Variants in CNOT2 observed in about 807,000 individuals in gnomAD.
CNOT2 encodes the protein CCR4-NOT transcription complex subunit 2, also known as CC chemokine receptor 4-negative regulator of transcription 2.
Under a neutral mutation model 72.1 loss-of-function variants are expected in CNOT2, and 7 were observed. That is an observed-to-expected ratio of 0.10 (90% confidence interval 0.06 to 0.18). The LOEUF (loss-of-function observed/expected upper bound fraction) is 0.18, where lower values mean the gene tolerates loss of function less well. Ranked by LOEUF, CNOT2 falls within the 10% of genes least tolerant of loss-of-function variation. The pLI, the probability that CNOT2 is intolerant of heterozygous loss-of-function variation, is 1.00. For missense variants in CNOT2, 345 were observed against 660.3 expected, an observed-to-expected ratio of 0.52 and a Z score of 5.23; for synonymous variants, 196 against 225.6, an observed-to-expected ratio of 0.87 and a Z score of 1.17.
chr12:70,295,688 C>T lies in CNOT2; in HGVS notation c.49-15207C>T, dbSNP rs568559705. Among the ~76,000 whole-genome samples the T allele has an allele frequency of 3.9e-5, 6 of 152,218 alleles. No individual in the cohort carries two copies. In the South Asian group the frequency reaches 1.0e-3, roughly 26 times the overall value. On this transcript the variant is annotated intron_variant, in intron 2 of 15. Transcript: ENST00000229195. Reference sequence around the variant, plus strand: ...GGCTCTATTATGTGAGTTCTCAACTCCAACTTCTTACTGCTCATAAGAGGT... The same window carrying T: ...GGCTCTATTATGTGAGTTCTCAACTTCAACTTCTTACTGCTCATAAGAGGT...
chr12:70,347,469 A>C (rs1882326125), intron 15 of CNOT2: 1 of 152,168 alleles, frequency 6.6e-6, no homozygotes, highest in South Asian at 2.1e-4. Context: ...TCTCTACTAA[A>C]AATACAAAAA....
At position 70,335,499 on chromosome 12, in the gene CNOT2, C is replaced by T. The variant is rs373103481; in HGVS notation, c.711C>T (p.Asn237=). The change falls in exon 8 of 16, where the codon AAC becomes AAT. Residue 237 remains asparagine (N), a synonymous_variant. Transcript: ENST00000229195. ...LSDFPALADR[N]RREGSGNPTP... Reference sequence around the variant, plus strand: ...ATTTCCCAGCATTAGCAGACCGAAACAGGAGGGAAGGAAGTGGTAACCCAA... The same window carrying T: ...ATTTCCCAGCATTAGCAGACCGAAATAGGAGGGAAGGAAGTGGTAACCCAA... 3 of 1,606,174 alleles carry T rather than the reference C, an allele frequency of 1.9e-6. No individual in the cohort carries two copies. In the African/African-American group the frequency reaches 4.0e-5, roughly 21 times the overall value.
At chr12:70,249,341 G>C (rs148156313) in intron 1 of CNOT2, among the ~76,000 whole-genome samples, 2 of 151,684 alleles carry the variant, frequency 1.3e-5, no homozygotes, top group African/African-American at 4.8e-5. Context: ...TTTTTAAAAT[G>C]TTTTACAGCT....
At chr12:70,251,550 A>G (rs542094441) in intron 1 of CNOT2, among the ~76,000 whole-genome samples, 13 of 152,316 alleles carry the variant, frequency 8.5e-5, no homozygotes, top group Non-Finnish European at 1.3e-4. Context: ...AGGAGGGGAA[A>G]AAAAAGCCAG....
intron 2 of CNOT2, among the ~76,000 whole-genome samples, chr12:70,303,387 C>T (rs1177577010): frequency 1.3e-5 from 2 of 152,180 alleles, no homozygotes; most frequent in Non-Finnish European, 2.9e-5. Context: ...GTGCTTCCTT[C>T]ATGAGCTATT....
intron 1 of CNOT2, 143 bp downstream of exon 1, chr12:70,243,623 C>T (rs1254585247): frequency 1.3e-5 from 2 of 150,948 alleles, no homozygotes; most frequent in Non-Finnish European, 3.0e-5. Context: ...CGGCCCACCG[C>T]TTCCCGTTGC....
intron 3 of CNOT2, among the ~76,000 whole-genome samples, chr12:70,312,171 GTTATC>G (rs1021930282): frequency 7.9e-5 from 12 of 151,722 alleles, no homozygotes; most frequent in South Asian, 2.1e-4. Flanking sequence ...CTAATTTTCT[GTTATC>G]TTATTGCGCT....
intron 4 of CNOT2, among the ~76,000 whole-genome samples, chr12:70,328,938 G>A (rs1199878423): frequency 1.3e-5 from 2 of 151,610 alleles, no homozygotes; most frequent in Non-Finnish European, 2.9e-5. Context: ...ATAGTAAATT[G>A]GCTTTTTCTA....
intron 13 of CNOT2, among the ~76,000 whole-genome samples, chr12:70,343,652 C>G (rs964824510): frequency 6.6e-6 from 1 of 152,202 alleles, no homozygotes; most frequent in African/African-American, 2.4e-5. Flanking sequence ...CATATACCTT[C>G]ACTCATTTTA....
At chr12:70,301,963 A>C (rs1296578987) in intron 2 of CNOT2, 4 of 152,142 alleles carry the variant, frequency 2.6e-5, no homozygotes, top group Admixed American at 1.3e-4. Flanking sequence ...TGTATGTGTC[A>C]AGGAATTTAT....
intron 2 of CNOT2, among the ~76,000 whole-genome samples, chr12:70,291,061 G>T (rs1279829080): frequency 6.6e-6 from 1 of 152,162 alleles, no homozygotes; most frequent in Non-Finnish European, 1.5e-5. Flanking sequence ...ATGTAGAATT[G>T]TCATAGTCCT....
chr12:70,261,305 C>CTTTTTTTTTTTTTT lies in CNOT2; in HGVS notation c.-95-16813_-95-16800dup, dbSNP rs71437141. 3.0e-4 allele frequency among the ~76,000 whole-genome samples: 13 copies of CTTTTTTTTTTTTTT among 43,352 alleles called. 1 individual carries two copies. Among genetic ancestry groups the CTTTTTTTTTTTTTT allele is most frequent in the Admixed American group, 1.1e-3 (3 of 2,634 alleles). 28.4% of individuals were successfully genotyped at this position (43,352 alleles called of 152,430 possible). A position where few individuals can be genotyped will look rare whatever the true frequency, so the allele number is the denominator to read the frequency against. ...ATCTTTGTGCCTATTTTCTTTCTTT[C>CTTTTTTTTTTTTTT]TTTTTTTTTTTTTTTTTTTTTTTTT... On this transcript the variant is annotated intron_variant, in intron 1 of 15. Transcript: ENST00000229195.
chr12:70,305,227 T>C (rs960590178), intron 2 of CNOT2, among the ~76,000 whole-genome samples: 19 of 152,132 alleles, frequency 1.2e-4, no homozygotes, highest in Non-Finnish European at 2.2e-4. Flanking sequence ...GGTACCTCAG[T>C]TGGAAATGCA....
intron 4 of CNOT2, chr12:70,322,350 T>TC (rs1457928791): frequency 6.6e-6 from 1 of 151,766 alleles, no homozygotes; most frequent in African/African-American, 2.4e-5. Context: ...TTAAGCTGTC[T>TC]CCTAGATTAG....
intron 3 of CNOT2, among the ~76,000 whole-genome samples, chr12:70,316,891 A>C (rs1438978147): frequency 1.3e-5 from 2 of 152,174 alleles, no homozygotes; most frequent in Non-Finnish European, 1.5e-5. Context: ...GTGAGAAAGT[A>C]GACTAAAATG....
In CNOT2 at chr12:70,286,665, T is replaced by A. The variant is rs982684005; in HGVS notation, c.48+8391T>A. 9.3e-5 allele frequency among the ~76,000 whole-genome samples: 14 copies of A among 150,070 alleles called. 1 individual carries two copies. The highest frequency in any genetic ancestry group is 3.4e-4 in the African/African-American group (14 of 41,266). ...TAAAGCTTTGTGTTAAATCTTCATG[T>A]CTGTCTGTCAACCTTTTTCTTCATA... On this transcript the variant is annotated intron_variant, in intron 2 of 15. Transcript: ENST00000229195.
intron 6 of CNOT2, chr12:70,331,168 A>G (rs1341166153): frequency 2.0e-5 from 3 of 151,900 alleles, no homozygotes; most frequent in Non-Finnish European, 4.4e-5. Flanking sequence ...TATTTTTTAA[A>G]TGGAGAAATG....
chr12:70,282,718 A>G (rs1870081356), intron 2 of CNOT2, among the ~76,000 whole-genome samples: 2 of 152,164 alleles, frequency 1.3e-5, no homozygotes. Flanking sequence ...GAAGTAATCA[A>G]TAGTTTTAAT....
intron 3 of CNOT2, 192 bp from the exon 4 acceptor site, chr12:70,319,106 T>A (rs1201861144): frequency 1.7e-5 from 7 of 420,420 alleles, no homozygotes; most frequent in African/African-American, 6.1e-5. Flanking sequence ...TTTCTACAGT[T>A]TGGTTTTATC....
Sources: gnomAD v4.1 joint callset for allele counts (sites outside exome capture counted in the v4.1 genomes callset) on GRCh38, gnomAD v4.1.1 for gene constraint, MANE v1.5 for transcripts, NCBI Gene and HGNC (gene_info 2026-07-23, HGNC 2026-07-21) for gene names.